Variants in DBH observed in about 807,000 individuals in gnomAD.
DBH encodes dopamine beta-hydroxylase.
DBH carries 49 observed loss-of-function variants against 64.0 expected under a neutral mutation model. The ratio of observed to expected loss-of-function variants is 0.77; its 90% CI spans 0.61 to 0.97. The LOEUF is 0.97. DBH is among the 50% of genes least tolerant of loss of function. DBH has a pLI of 0.00. For synonymous variants in DBH, 343 were observed against 347.1 expected (o/e 0.99, Z 0.13); for missense variants, 828 against 826.6 (o/e 1.00, Z -0.02).
intron 9 of DBH, 123 bp from the exon 10 acceptor site, chr9:133,656,400 T>G: frequency 7.2e-7 from 1 of 1,381,472 alleles, no homozygotes; most frequent in Non-Finnish European, 1.0e-6. Flanking sequence ...CCCCAGAGCA[T>G]GCCTGGCACG....
At chr9:133,650,758 G>T (rs1832239556) in intron 6 of DBH, among the ~76,000 whole-genome samples, 1 of 151,902 alleles carries the variant, frequency 6.6e-6, no homozygotes, top group South Asian at 2.1e-4. Flanking sequence ...ATGTTGGCCA[G>T]ACTATTCTCA....
intron 1 of DBH, among the ~76,000 whole-genome samples, chr9:133,638,848 C>A (rs1452138849): frequency 1.3e-5 from 2 of 152,148 alleles, no homozygotes; most frequent in South Asian, 4.1e-4. Flanking sequence ...GAAGGCTCCT[C>A]GCTGTCTCTC....
intron 5 of DBH, among the ~76,000 whole-genome samples, 194 bp downstream of exon 5, chr9:133,644,514 G>C (rs897886213): frequency 5.3e-5 from 8 of 152,224 alleles, no homozygotes; most frequent in Non-Finnish European, 1.2e-4. Flanking sequence ...ACAGGACCTC[G>C]AGGGGCTCAC....
rs993070281 is a variant in DBH, at chr9:133,652,166, G to A, written c.1336-80G>A. The A allele has an allele frequency of 9.7e-6, 15 of 1,547,246 alleles. No individual in the cohort carries two copies. In the African/African-American group the frequency reaches 1.9e-4, roughly 20 times the overall value. ...CCCCCAGAGGTCAGGGAGGCCTGAG[G>A]GAGGACACAGTGGCCGGGGGTCTGG... On this transcript the variant is annotated intron_variant, in intron 7 of 11. Transcript: ENST00000393056.
chr9:133,657,219 T>C lies in DBH; in HGVS notation c.1712T>C (p.Val571Ala), dbSNP rs754068186. Residue 571 changes from valine to alanine, a missense_variant, in exon 11 of 12, where the codon GTC (valine) becomes GCC (alanine). Val to Ala is a moderately conservative substitution (Grantham distance 64). Transcript: ENST00000393056. ...ATGCACTGCAACAAGTCCTCAGCCG[T>C]CCGCTTCCAGGTGCGCTGCCATGGG... ...ISMHCNKSSA[V>A]RFQGEWNLQP... 11 of 1,613,818 alleles carry C rather than the reference T, an allele frequency of 6.8e-6. No homozygotes were observed. The South Asian group carries it at 1.2e-4, about 18-fold the overall frequency.
At chr9:133,641,734 A>G (rs921430486) in intron 2 of DBH, among the ~76,000 whole-genome samples, 10 of 152,156 alleles carry the variant, frequency 6.6e-5, no homozygotes, top group African/African-American at 1.2e-4. Context: ...TGGTGACTAC[A>G]TAATATAGCG....
intron 9 of DBH, among the ~76,000 whole-genome samples, chr9:133,654,306 G>A (rs1832287593): frequency 6.6e-6 from 1 of 152,088 alleles, no homozygotes. Flanking sequence ...TTTTCACCAT[G>A]TTGGCCAGGC....
At chr9:133,644,134 C>G in intron 4 of DBH, 84 bp from the exon 5 acceptor site, 1 of 1,016,030 alleles carries the variant, frequency 9.8e-7, no homozygotes. Flanking sequence ...GGCTCAGGCC[C>G]CAACAGTTGA....
In DBH at chr9:133,651,514, A is replaced by G. The variant is rs977080199; in HGVS notation, c.1192-120A>G. ...CTGGCCGGGGAGAAAGACCTAGAAA[A>G]TGCAAGTGTTCCAGGGAAGCAAACT... On this transcript the variant is annotated intron_variant, in intron 6 of 11. Coordinates refer to ENST00000393056, the MANE Select transcript of DBH (RefSeq NM_000787.4). The G allele has an allele frequency of 4.7e-6, 6 of 1,286,946 alleles. No homozygotes were observed. In the African/African-American group the frequency reaches 7.3e-5, roughly 16 times the overall value. The allele number at this position is 1,286,946 out of a possible 1,614,324, so 79.7% of individuals were successfully genotyped here. A position where few individuals can be genotyped will look rare whatever the true frequency, so the allele number is the denominator to read the frequency against.
At chr9:133,638,942 G>A (rs2797850) in intron 1 of DBH, among the ~76,000 whole-genome samples, 85,021 of 151,468 alleles carry the variant, frequency 0.56, 23,969 homozygotes, top group East Asian at 0.68. Context: ...CAAGGGGAGC[G>A]GCCGGAGACG....
intron 1 of DBH, among the ~76,000 whole-genome samples, chr9:133,638,543 G>A (rs1390660881): frequency 1.3e-5 from 2 of 152,338 alleles, no homozygotes; most frequent in Middle Eastern, 3.4e-3. Context: ...GGCTCTGGGT[G>A]GCTGGGGTGG....
chr9:133,642,991 G>A (rs1488884994), intron 3 of DBH, among the ~76,000 whole-genome samples: 1 of 152,188 alleles, frequency 6.6e-6, no homozygotes, highest in Non-Finnish European at 1.5e-5. Flanking sequence ...ATAGCAAGAA[G>A]GGGCATGTCC....
At chr9:133,653,319 G>T (rs1832274149) in intron 9 of DBH, among the ~76,000 whole-genome samples, 1 of 152,212 alleles carries the variant, frequency 6.6e-6, no homozygotes, top group South Asian at 2.1e-4. Context: ...AAGCTTCTCA[G>T]CACCCGGGGC....
At chr9:133,644,071 T>A in intron 4 of DBH, 147 bp from the exon 5 acceptor site, 1 of 732,128 alleles carries the variant, frequency 1.4e-6, no homozygotes, top group South Asian at 1.4e-5. Flanking sequence ...ATGAGCTGCC[T>A]GTCAGGAGGA....
At position 133,642,233 on chromosome 9, in the gene DBH, G is replaced by A; in HGVS notation, c.513G>A (p.Gly171=). 1 of 1,613,718 alleles carries A rather than the reference G, an allele frequency of 6.2e-7. No individual in the cohort carries two copies. The highest frequency in any genetic ancestry group is 1.3e-5 in the African/African-American group (1 of 75,028). Residue 171 remains glycine (G), a synonymous_variant, in exon 3 of 12, where the codon GGG becomes GGA. Transcript: ENST00000393056. ...IEDGTVHLVY[G]ILEEPFRSLE... ...ACGGCACTGTCCACTTGGTCTACGG[G>A]ATCCTGGAGGAGCCGTTCCGGTCAC...
Position 133,642,485 on chromosome 9 carries a change from G to T in DBH, c.744+21G>T, listed in dbSNP as rs761129259. 4.4e-6 allele frequency: 7 copies of T among 1,589,180 alleles called. No homozygotes were observed. The Admixed American group carries it at 1.2e-4, about 28-fold the overall frequency. ...TCAAGGTACGTGCGGGTCCAGGGCCGAGGTCCTCGCCCAGCCCTGCCTTCC... is the reference window on the plus strand; with the variant it reads ...TCAAGGTACGTGCGGGTCCAGGGCCTAGGTCCTCGCCCAGCCCTGCCTTCC... On this transcript the variant is annotated intron_variant, in intron 3 of 11. Transcript: ENST00000393056.
At chr9:133,644,597 C>T (rs748326789) in intron 5 of DBH, among the ~76,000 whole-genome samples, 48 of 152,384 alleles carry the variant, frequency 3.1e-4, no homozygotes, top group Non-Finnish European at 3.2e-4. Context: ...GGGCTGCCAT[C>T]GGCGCAGCAC....
intron 10 of DBH, 83 bp downstream of exon 10, chr9:133,656,733 G>C: frequency 6.5e-7 from 1 of 1,544,462 alleles, no homozygotes; most frequent in Non-Finnish European, 8.8e-7. Flanking sequence ...GGGCAGATTG[G>C]AGGAGTCCAG....
At chr9:133,645,065 A>G (rs1017011646) in intron 5 of DBH, among the ~76,000 whole-genome samples, 2 of 152,146 alleles carry the variant, frequency 1.3e-5, no homozygotes, top group Non-Finnish European at 2.9e-5. Flanking sequence ...TGCAAGGTGC[A>G]GAAGTGGCCT....
Sources: allele counts gnomAD v4.1 joint callset (sites outside exome capture counted in the v4.1 genomes callset), GRCh38; gene constraint gnomAD v4.1.1; transcripts MANE v1.5; gene names NCBI Gene and HGNC (gene_info 2026-07-23, HGNC 2026-07-21).